Variants in GNAQ observed in about 807,000 individuals in gnomAD.
GNAQ encodes guanine nucleotide-binding protein G(q) subunit alpha.
GNAQ carries 8 observed loss-of-function variants against 43.9 expected under a neutral mutation model. The observed-to-expected ratio is 0.18, with a 90% confidence interval of 0.11 to 0.33. GNAQ has a LOEUF of 0.33. GNAQ is among the 10% of genes least tolerant of loss of function. The probability of loss-of-function intolerance (pLI) is 1.00; values close to 1 mark genes in which losing one functional copy is unlikely to be tolerated. For missense variants in GNAQ, 158 were observed against 450.8 expected (o/e 0.35, Z 5.88); for synonymous variants, 155 against 170.7 (o/e 0.91, Z 0.71).
chr9:77,853,851 C>A (rs1264384263), intron 2 of GNAQ, among the ~76,000 whole-genome samples: 1 of 151,156 alleles, frequency 6.6e-6, no homozygotes, highest in Non-Finnish European at 1.5e-5. Flanking sequence ...TTATATCCAC[C>A]CTGTCCCATT....
chr9:77,901,616 C>T (rs1471324687), intron 2 of GNAQ, among the ~76,000 whole-genome samples: 1 of 152,084 alleles, frequency 6.6e-6, no homozygotes, highest in Non-Finnish European at 1.5e-5. Context: ...TGGCACATAC[C>T]TTGGGGGCAG....
chr9:77,916,018 C>T (rs539191876), intron 2 of GNAQ, among the ~76,000 whole-genome samples: 52 of 152,260 alleles, frequency 3.4e-4, no homozygotes, highest in African/African-American at 1.2e-3. Flanking sequence ...TCCAAATCGG[C>T]ACTTTTTCCC....
Position 77,718,405 on chromosome 9 carries a change from G to A in GNAQ, c.*2918C>T. The A allele has an allele frequency of 4.3e-6, 1 of 232,248 alleles. No individual in the cohort carries two copies. The highest frequency in any genetic ancestry group is 8.5e-6 in the Non-Finnish European group (1 of 117,474). 14.4% of individuals were successfully genotyped at this position (232,248 alleles called of 1,614,324 possible). A position where few individuals can be genotyped will look rare whatever the true frequency, so the allele number is the denominator to read the frequency against. ...CGATTGACTGGTGTGGCTAAAATTA[G>A]GTTTCTATGCATCACTGCTGCTAGG... On this transcript the variant is annotated 3_prime_UTR_variant, in exon 7 of 7. Coordinates refer to ENST00000286548, the MANE Select transcript of GNAQ (RefSeq NM_002072.5).
At chr9:77,847,505 A>T (rs1827606599) in intron 2 of GNAQ, among the ~76,000 whole-genome samples, 1 of 152,222 alleles carries the variant, frequency 6.6e-6, no homozygotes, top group Non-Finnish European at 1.5e-5. Context: ...GCAGATATCA[A>T]AAAGGAAGGG....
At chr9:77,897,370 G>A (rs1828521236) in intron 2 of GNAQ, among the ~76,000 whole-genome samples, 1 of 152,204 alleles carries the variant, frequency 6.6e-6, no homozygotes, top group Non-Finnish European at 1.5e-5. Flanking sequence ...TTTGCTGAGA[G>A]CACAATGAGG....
chr9:77,837,703 C>A (rs145694039), intron 2 of GNAQ, among the ~76,000 whole-genome samples: 111 of 151,036 alleles, frequency 7.3e-4, no homozygotes, highest in Middle Eastern at 3.4e-3. Flanking sequence ...TGAAAAGATG[C>A]TAAAATGAAC....
Position 77,716,465 on chromosome 9 carries a change from A to G in GNAQ, c.*4858T>C, listed in dbSNP as rs986717537. ...AAAATGTTTTCTGACAAAACTCCCT[A>G]AATACATAGGTCTAGTAAGGGTTTC... On this transcript the variant is annotated 3_prime_UTR_variant, in exon 7 of 7. Transcript: ENST00000286548. 1 of 232,682 alleles carries G rather than the reference A, an allele frequency of 4.3e-6. No homozygotes were observed. The highest frequency in any genetic ancestry group is 2.2e-5 in the African/African-American group (1 of 45,320). The allele number at this position is 232,682 out of a possible 1,614,324, so 14.4% of individuals were successfully genotyped here.
intron 5 of GNAQ, among the ~76,000 whole-genome samples, chr9:77,729,009 A>C (rs1329517415): frequency 6.6e-6 from 1 of 152,216 alleles, no homozygotes; most frequent in Non-Finnish European, 1.5e-5. Context: ...TTCATTAATG[A>C]CTAAATATTT....
chr9:77,839,489 C>T (rs1256985092), intron 2 of GNAQ, among the ~76,000 whole-genome samples: 2 of 152,174 alleles, frequency 1.3e-5, no homozygotes, highest in Non-Finnish European at 2.9e-5. Flanking sequence ...CAAATTATAG[C>T]CTTCAGATTC....
chr9:77,794,421 A>G (rs780373569), intron 5 of GNAQ, 42 bp downstream of exon 5: 1 of 1,373,132 alleles, frequency 7.3e-7, no homozygotes, highest in Admixed American at 1.9e-5. Flanking sequence ...CTTGTATCAG[A>G]TAATAAAATG....
chr9:77,883,648 C>A (rs553452599), intron 2 of GNAQ, among the ~76,000 whole-genome samples: 1 of 151,872 alleles, frequency 6.6e-6, no homozygotes, highest in Admixed American at 6.5e-5. Flanking sequence ...CCCCCGCCCC[C>A]ACTCTCCTCG....
At chr9:77,732,937 C>A (rs979553446) in intron 5 of GNAQ, among the ~76,000 whole-genome samples, 2 of 152,164 alleles carry the variant, frequency 1.3e-5, no homozygotes, top group African/African-American at 4.8e-5. Context: ...AAAGAGGCCA[C>A]AAAGGCTGAG....
chr9:77,952,949 G>A (rs1202220665), intron 1 of GNAQ, among the ~76,000 whole-genome samples: 1 of 151,838 alleles, frequency 6.6e-6, no homozygotes, highest in African/African-American at 2.4e-5. Context: ...ATCAGCAATT[G>A]TTGTTGTTAA....
At chr9:77,987,472 C>G (rs1488410226) in intron 1 of GNAQ, among the ~76,000 whole-genome samples, 2 of 152,148 alleles carry the variant, frequency 1.3e-5, no homozygotes, top group Non-Finnish European at 2.9e-5. Context: ...GACTGGACAC[C>G]ACTAATCTAA....
chr9:77,836,307 GCTA>G (rs1416134306), intron 2 of GNAQ, among the ~76,000 whole-genome samples: 1 of 151,934 alleles, frequency 6.6e-6, no homozygotes, highest in Non-Finnish European at 1.5e-5. Context: ...CCCTAACTGT[GCTA>G]CTTAGTCAAT....
intron 2 of GNAQ, among the ~76,000 whole-genome samples, chr9:77,883,233 T>G (rs570517865): frequency 1.3e-5 from 2 of 152,176 alleles, no homozygotes; most frequent in Admixed American, 6.5e-5. Flanking sequence ...CTCTCTCCAG[T>G]GTGTCCCCAG....
chr9:77,839,952 A>G (rs2117875143), intron 2 of GNAQ, among the ~76,000 whole-genome samples: 1 of 152,350 alleles, frequency 6.6e-6, no homozygotes, highest in African/African-American at 2.4e-5. Flanking sequence ...CTGAGAGCCA[A>G]GTTGAACTTT....
At chr9:77,808,911 G>A (rs959683505) in intron 3 of GNAQ, among the ~76,000 whole-genome samples, 4 of 151,940 alleles carry the variant, frequency 2.6e-5, no homozygotes, top group Admixed American at 6.6e-5. Flanking sequence ...AACTATCAGA[G>A]GAAAGTGAGG....
intron 3 of GNAQ, 22 bp downstream of exon 3, chr9:77,815,594 G>A (rs767804693): frequency 4.5e-6 from 7 of 1,545,684 alleles, no homozygotes; most frequent in East Asian, 4.5e-5. Flanking sequence ...AAATCCATAG[G>A]GCCACCTGGA....
Sources: gnomAD v4.1 joint callset for allele counts (sites outside exome capture counted in the v4.1 genomes callset) on GRCh38, gnomAD v4.1.1 for gene constraint, MANE v1.5 for transcripts, NCBI Gene and HGNC (gene_info 2026-07-23, HGNC 2026-07-21) for gene names.